Variants in EBF1 observed in about 807,000 individuals in gnomAD.
EBF1 encodes the protein transcription factor COE1.
A neutral mutation model predicts 68.4 loss-of-function variants in EBF1; 10 were observed. That is an observed-to-expected ratio of 0.15 (90% CI 0.09 to 0.25). The LOEUF is 0.25. Ranked by LOEUF, EBF1 falls within the 10% of genes least tolerant of loss-of-function variation. The probability of loss-of-function intolerance (pLI) is 1.00; values close to 1 mark genes in which losing one functional copy is unlikely to be tolerated. For missense variants in EBF1, 509 were observed against 794.4 expected (o/e 0.64, Z 4.32); for synonymous variants, 298 against 299.8 (o/e 0.99, Z 0.06).
In EBF1 at chr5:158,941,411, G is replaced by A. The variant is rs139208027; in HGVS notation, c.555-101301C>T. On this transcript the variant is annotated intron_variant, in intron 6 of 15. Coordinates refer to ENST00000313708, the MANE Select transcript of EBF1 (RefSeq NM_024007.5). ...AGAGCCTAATAACACTGCAAGTTTC[G>A]AAGGAAGATATTCGTTCATCCTGTC... Among the ~76,000 whole-genome samples, 32 of 152,220 alleles carry A rather than the reference G, an allele frequency of 2.1e-4. No homozygotes were observed. In the East Asian group the frequency reaches 4.6e-3, roughly 22 times the overall value.
intron 6 of EBF1, among the ~76,000 whole-genome samples, chr5:158,976,854 T>C (rs1174307801): frequency 2.0e-5 from 3 of 152,240 alleles, no homozygotes; most frequent in Non-Finnish European, 4.4e-5. Context: ...CACTGAGGCA[T>C]AGAGAGCTAA....
At chr5:158,758,475 T>C (rs529846304) in intron 10 of EBF1, among the ~76,000 whole-genome samples, 1 of 152,344 alleles carries the variant, frequency 6.6e-6, no homozygotes, top group African/African-American at 2.4e-5. Flanking sequence ...ACAATCTGTT[T>C]GCCCACAAGG....
intron 11 of EBF1, among the ~76,000 whole-genome samples, chr5:158,727,741 C>T (rs556056980): frequency 2.6e-5 from 4 of 152,322 alleles, no homozygotes; most frequent in East Asian, 1.9e-4. Context: ...CGCTTGCTCC[C>T]GTTTTCCTAT....
chr5:159,063,830 T>C (rs1362250111), intron 6 of EBF1, among the ~76,000 whole-genome samples: 1 of 152,186 alleles, frequency 6.6e-6, no homozygotes, highest in Non-Finnish European at 1.5e-5. Flanking sequence ...TAAGCACCTG[T>C]TATGTGCCAA....
intron 4 of EBF1, among the ~76,000 whole-genome samples, chr5:159,092,030 T>TA (rs563376712): frequency 1.2e-4 from 18 of 152,056 alleles, no homozygotes; most frequent in South Asian, 4.1e-4. Context: ...AAGCTAAACT[T>TA]AAAAAAAACT....
chr5:159,034,935 A>G (rs1769724429), intron 6 of EBF1, among the ~76,000 whole-genome samples: 1 of 152,204 alleles, frequency 6.6e-6, no homozygotes, highest in African/African-American at 2.4e-5. Flanking sequence ...AGAAACAAAG[A>G]CCAGTCAATA....
At chr5:159,014,038 G>A (rs1765176877) in intron 6 of EBF1, among the ~76,000 whole-genome samples, 3 of 152,130 alleles carry the variant, frequency 2.0e-5, no homozygotes, top group Admixed American at 1.3e-4. Context: ...TCAACATTGG[G>A]CTTCCTAAGC....
Position 158,963,349 on chromosome 5 carries a change from G to T in EBF1, c.554+110047C>A, listed in dbSNP as rs1295325961. On this transcript the variant is annotated intron_variant, in intron 6 of 15. Transcript: ENST00000313708. ...ACTTTGCTATTAACTTTTACGGAAT[G>T]ACAGTACAGGTTCTTTGAAGGTTTC... Among the ~76,000 whole-genome samples, 3 of 152,320 alleles carry T rather than the reference G, an allele frequency of 2.0e-5. No individual in the cohort carries two copies. In the East Asian group the frequency reaches 5.8e-4, roughly 29 times the overall value.
chr5:158,964,102 A>T (rs144811338), intron 6 of EBF1, among the ~76,000 whole-genome samples: 17 of 152,286 alleles, frequency 1.1e-4, no homozygotes, highest in Admixed American at 2.6e-4. Flanking sequence ...ACACAGCAAG[A>T]TGAAAGCTGA....
chr5:158,793,754 A>T (rs982431290), intron 9 of EBF1, among the ~76,000 whole-genome samples: 1 of 152,190 alleles, frequency 6.6e-6, no homozygotes, highest in Non-Finnish European at 1.5e-5. Context: ...CCTACACATG[A>T]TGAACCCTTA....
intron 6 of EBF1, among the ~76,000 whole-genome samples, chr5:159,003,788 C>T (rs1478258804): frequency 6.6e-6 from 1 of 152,194 alleles, no homozygotes; most frequent in Non-Finnish European, 1.5e-5. Context: ...TGTGATCTAT[C>T]ACTGCTCCCG....
chr5:158,941,667 T>C (rs555040970), intron 6 of EBF1, among the ~76,000 whole-genome samples: 7 of 152,188 alleles, frequency 4.6e-5, no homozygotes, highest in Admixed American at 1.3e-4. Flanking sequence ...ATAGTGGGGG[T>C]GTGATAGCAC....
chr5:158,863,409 G>T (rs1252194996), intron 6 of EBF1, among the ~76,000 whole-genome samples: 1 of 152,134 alleles, frequency 6.6e-6, no homozygotes, highest in African/African-American at 2.4e-5. Context: ...AATCTCCCCG[G>T]AATGAGAGAG....
intron 8 of EBF1, among the ~76,000 whole-genome samples, chr5:158,820,046 T>A (rs1784523352): frequency 6.6e-6 from 1 of 152,090 alleles, no homozygotes; most frequent in Non-Finnish European, 1.5e-5. Context: ...ACGATCTCTG[T>A]CTCTACTTAT....
At chr5:158,753,155 C>A (rs552822775) in intron 10 of EBF1, among the ~76,000 whole-genome samples, 3 of 151,986 alleles carry the variant, frequency 2.0e-5, no homozygotes, top group Admixed American at 6.6e-5. Flanking sequence ...AGCAATCTAA[C>A]AGGATAATAT....
At chr5:158,972,898 T>C (rs975162102) in intron 6 of EBF1, among the ~76,000 whole-genome samples, 1 of 152,210 alleles carries the variant, frequency 6.6e-6, no homozygotes, top group African/African-American at 2.4e-5. Flanking sequence ...CTGCCCTGTG[T>C]TTGCTTCCCC....
chr5:159,008,364 TCACA>T (rs762163152), intron 6 of EBF1, among the ~76,000 whole-genome samples: 1 of 151,408 alleles, frequency 6.6e-6, no homozygotes, highest in South Asian at 2.1e-4. Flanking sequence ...TTTTTAAAAA[TCACA>T]CACACACACA....
chr5:158,904,340 G>A (rs1804097156), intron 6 of EBF1, among the ~76,000 whole-genome samples: 1 of 152,202 alleles, frequency 6.6e-6, no homozygotes, highest in South Asian at 2.1e-4. Flanking sequence ...CACGTGTGCT[G>A]CCACCTTTGC....
At chr5:158,939,094 T>C (rs974082910) in intron 6 of EBF1, among the ~76,000 whole-genome samples, 1 of 152,202 alleles carries the variant, frequency 6.6e-6, no homozygotes, top group African/African-American at 2.4e-5. Context: ...CTTTTATGCA[T>C]CTAAATAAAT....
Sources: allele counts gnomAD v4.1 joint callset (sites outside exome capture counted in the v4.1 genomes callset), GRCh38; gene constraint gnomAD v4.1.1; transcripts MANE v1.5; gene names NCBI Gene and HGNC (gene_info 2026-07-23, HGNC 2026-07-21).